Variants in FGF2 observed in about 807,000 individuals in gnomAD.
FGF2 encodes basic fibroblast growth factor bFGF.
FGF2 carries 13 observed loss-of-function variants against 15.9 expected under a neutral mutation model. The ratio of observed to expected loss-of-function variants is 0.82; its 90% CI spans 0.53 to 1.30. The LOEUF is 1.30. Ranked by LOEUF, FGF2 falls within the 50% of genes most tolerant of loss-of-function variation. The probability of loss-of-function intolerance (pLI) is 0.00; values close to 1 mark genes in which losing one functional copy is unlikely to be tolerated. For missense variants in FGF2, 163 were observed against 196.9 expected (o/e 0.83, Z 1.03); for synonymous variants, 90 against 78.4 (o/e 1.15, Z -0.78).
Position 122,897,653 on chromosome 4 carries a change from C to T in FGF2, c.*5257C>T, listed in dbSNP as rs765636272. ...ATCTTCTTCAGGCTCTGACAGGCCT[C>T]CTGGAAACTTCCACATATTTTTCAA... On this transcript the variant is annotated 3_prime_UTR_variant, in exon 3 of 3. Coordinates refer to ENST00000644866, the MANE Select transcript of FGF2 (RefSeq NM_001361665.2). 14 of 1,610,328 alleles carry T rather than the reference C, an allele frequency of 8.7e-6. No homozygotes were observed. In the Admixed American group the frequency reaches 2.3e-4, roughly 27 times the overall value.
Position 122,895,876 on chromosome 4 carries a change from T to A in FGF2, c.*3480T>A, listed in dbSNP as rs1727335490. On this transcript the variant is annotated 3_prime_UTR_variant, in exon 3 of 3. Coordinates refer to ENST00000644866, the MANE Select transcript of FGF2 (RefSeq NM_001361665.2). ...AGTATTCCTAAAGTACATTGCATGTTTTCCTAAATACAGAGTTTAAATAAT... is the reference window on the plus strand; with the variant it reads ...AGTATTCCTAAAGTACATTGCATGTATTCCTAAATACAGAGTTTAAATAAT... 6.6e-6 allele frequency: 1 copy of A among 152,250 alleles called. No individual in the cohort carries two copies. The highest frequency in any genetic ancestry group is 1.5e-5 in the Non-Finnish European group (1 of 68,036). The allele number at this position is 152,250 out of a possible 1,614,324, so 9.4% of individuals were successfully genotyped here.
chr4:122,875,438 A>T (rs1255479016), intron 1 of FGF2, among the ~76,000 whole-genome samples: 1 of 151,958 alleles, frequency 6.6e-6, no homozygotes. Flanking sequence ...AAAAAAATAG[A>T]CATCAAAATC....
rs1165199244 is a variant in FGF2, at chr4:122,894,340, C to G, written c.*1944C>G. The G allele has an allele frequency of 2.0e-5, 3 of 152,348 alleles. No homozygotes were observed. Among genetic ancestry groups the G allele is most frequent in the Non-Finnish European group, 4.4e-5 (3 of 68,164 alleles). The allele number at this position is 152,348 out of a possible 1,614,324, so 9.4% of individuals were successfully genotyped here. ...GTGCAGTGGCTCATGCCTATATTCC[C>G]TGCACTTTGGGAGGCCAAAGCAGGA... On this transcript the variant is annotated 3_prime_UTR_variant, in exon 3 of 3. Transcript: ENST00000644866.
intron 1 of FGF2, among the ~76,000 whole-genome samples, chr4:122,831,882 A>G (rs575022567): frequency 5.2e-4 from 79 of 152,376 alleles, no homozygotes; most frequent in Non-Finnish European, 8.2e-4. Context: ...TTAAAGTTTA[A>G]TTAGAAAATA....
chr4:122,845,819 G>A lies in FGF2; in HGVS notation c.178+18467G>A, dbSNP rs181368541. Among the ~76,000 whole-genome samples, 37 of 152,256 alleles carry A rather than the reference G, an allele frequency of 2.4e-4. No individual in the cohort carries two copies. In the East Asian group the frequency reaches 6.0e-3, roughly 25 times the overall value. ...AAACTTTCTCCATATCAGCAATAAG[G>A]CTGTTTTGTTTTCTTATCATTCTTG... On this transcript the variant is annotated intron_variant, in intron 1 of 2. Transcript: ENST00000644866.
chr4:122,829,466 C>T (rs1281673684), intron 1 of FGF2, among the ~76,000 whole-genome samples: 2 of 152,156 alleles, frequency 1.3e-5, no homozygotes, highest in African/African-American at 4.8e-5. Context: ...GTTGAGAACT[C>T]TGCTAACTTT....
intron 2 of FGF2, 73 bp from the exon 3 acceptor site, chr4:122,892,138 A>G (rs1727204213): frequency 1.6e-6 from 2 of 1,277,104 alleles, no homozygotes; most frequent in Non-Finnish European, 2.2e-6. Flanking sequence ...TTATACTATC[A>G]TAAATATTTA....
intron 2 of FGF2, among the ~76,000 whole-genome samples, chr4:122,878,759 A>C (rs898441844): frequency 6.6e-6 from 1 of 152,212 alleles, no homozygotes; most frequent in Non-Finnish European, 1.5e-5. Context: ...ACAGTAGGTC[A>C]GAGAGGAGTG....
At chr4:122,845,064 G>A (rs308425) in intron 1 of FGF2, among the ~76,000 whole-genome samples, 17,291 of 152,090 alleles carry the variant, frequency 0.11, 1,175 homozygotes, top group South Asian at 0.25. Flanking sequence ...TTGAACCATC[G>A]GCTGCAAAAT....
intron 1 of FGF2, among the ~76,000 whole-genome samples, chr4:122,837,169 C>T (rs1404611471): frequency 6.6e-6 from 1 of 152,082 alleles, no homozygotes; most frequent in Non-Finnish European, 1.5e-5. Context: ...GTATTCATCA[C>T]AACAATCTGA....
In FGF2 at chr4:122,866,363, G is replaced by A. The variant is rs1397445237; in HGVS notation, c.179-9958G>A. Among the ~76,000 whole-genome samples the A allele has an allele frequency of 3.5e-4, 30 of 85,394 alleles. No homozygotes were observed. The East Asian group carries it at 1.0e-2, about 28-fold the overall frequency. 56.0% of individuals were successfully genotyped at this position (85,394 alleles called of 152,430 possible). A position where few individuals can be genotyped will look rare whatever the true frequency, so the allele number is the denominator to read the frequency against. On this transcript the variant is annotated intron_variant, in intron 1 of 2. Transcript: ENST00000644866. ...CGCCTGGGTGAAAGAGCGAGACTCCGTCTCAAAAAAAAAAAAAATAAATAA... is the reference window on the plus strand; with the variant it reads ...CGCCTGGGTGAAAGAGCGAGACTCCATCTCAAAAAAAAAAAAAATAAATAA...
rs139989972 is a variant in FGF2, at chr4:122,850,840, C to T, written c.178+23488C>T. On this transcript the variant is annotated intron_variant, in intron 1 of 2. Transcript: ENST00000644866. ...CACATTCAATAGTTGTGATTTTAGG[C>T]TTCTTTTTTGGGATGGAAGTGTCAG... 4.2e-3 allele frequency among the ~76,000 whole-genome samples: 645 copies of T among 152,232 alleles called. 3 individuals are homozygous for T. Among genetic ancestry groups the T allele is most frequent in the Non-Finnish European group, 7.7e-3 (527 of 68,010 alleles).
chr4:122,869,281 C>T (rs137980515), intron 1 of FGF2, among the ~76,000 whole-genome samples: 2,083 of 152,224 alleles, frequency 0.014, 47 homozygotes, highest in African/African-American at 0.047. Flanking sequence ...ATGTCTCTAG[C>T]TTTGTTCTTT....
chr4:122,832,467 G>A (rs1256905547), intron 1 of FGF2, among the ~76,000 whole-genome samples: 2 of 152,012 alleles, frequency 1.3e-5, no homozygotes, highest in East Asian at 3.9e-4. Context: ...GGCTGGTCTC[G>A]AACTCCAGAC....
intron 2 of FGF2, among the ~76,000 whole-genome samples, chr4:122,880,575 T>C (rs559408165): frequency 6.6e-6 from 1 of 152,246 alleles, no homozygotes; most frequent in South Asian, 2.1e-4. Flanking sequence ...AGCTCCAAAA[T>C]GATCTCCTCT....
At chr4:122,877,151 G>A (rs562247841) in intron 2 of FGF2, among the ~76,000 whole-genome samples, 5 of 149,684 alleles carry the variant, frequency 3.3e-5, no homozygotes, top group East Asian at 3.9e-4. Context: ...ACTCCACTGC[G>A]CAGACTGGAG....
intron 1 of FGF2, among the ~76,000 whole-genome samples, chr4:122,873,723 C>T (rs1391606469): frequency 6.6e-6 from 1 of 152,178 alleles, no homozygotes; most frequent in East Asian, 1.9e-4. Context: ...TTTTATGCAT[C>T]TCAGCTCAGA....
intron 1 of FGF2, among the ~76,000 whole-genome samples, chr4:122,834,312 T>C (rs1454882357): frequency 6.6e-6 from 1 of 152,254 alleles, no homozygotes; most frequent in Non-Finnish European, 1.5e-5. Context: ...CTATGCAATA[T>C]AAAACTTTCT....
At position 122,893,061 on chromosome 4, in the gene FGF2, G is replaced by C; in HGVS notation, c.*665G>C. 6.2e-7 allele frequency: 1 copy of C among 1,614,036 alleles called. No individual in the cohort carries two copies. The highest frequency in any genetic ancestry group is 1.7e-5 in the Admixed American group (1 of 60,014). ...CACTCACATCTTAAGCATTCTTCCTGGCAAAAATTTATGGTGAATGAATAT... is the reference window on the plus strand; with the variant it reads ...CACTCACATCTTAAGCATTCTTCCTCGCAAAAATTTATGGTGAATGAATAT... On this transcript the variant is annotated 3_prime_UTR_variant, in exon 3 of 3. Coordinates refer to ENST00000644866, the MANE Select transcript of FGF2 (RefSeq NM_001361665.2).
Sources: allele counts gnomAD v4.1 joint callset (sites outside exome capture counted in the v4.1 genomes callset), GRCh38; gene constraint gnomAD v4.1.1; transcripts MANE v1.5; gene names NCBI Gene and HGNC (gene_info 2026-07-23, HGNC 2026-07-21).